ANTXR1: variants seen among roughly 807,000 people sequenced by gnomAD.
ANTXR1 encodes ANTXR cell adhesion molecule 1.
A neutral mutation model predicts 78.1 loss-of-function variants in ANTXR1; 19 were observed. The observed-to-expected ratio is 0.24, with a 90% CI of 0.17 to 0.36. The LOEUF is 0.36. ANTXR1 is among the 10% of genes least tolerant of loss of function. ANTXR1 has a pLI of 1.00. For synonymous variants in ANTXR1, 273 were observed against 260.5 expected (o/e 1.05, Z -0.46); for missense variants, 518 against 718.6 (o/e 0.72, Z 3.19).
intron 12 of ANTXR1, among the ~76,000 whole-genome samples, chr2:69,132,801 C>A (rs1304999844): frequency 3.3e-5 from 5 of 152,162 alleles, no homozygotes; most frequent in Non-Finnish European, 7.3e-5. Context: ...TCATAACAAT[C>A]AGGACCAACG....
chr2:69,072,918 G>T, intron 5 of ANTXR1, 104 bp from the exon 6 acceptor site: 1 of 1,134,380 alleles, frequency 8.8e-7, no homozygotes, highest in South Asian at 1.2e-5. Flanking sequence ...TCACAATATT[G>T]ACTTTGGGTG....
intron 12 of ANTXR1, among the ~76,000 whole-genome samples, chr2:69,149,421 C>T (rs1188768491): frequency 1.3e-5 from 2 of 152,222 alleles, no homozygotes; most frequent in Admixed American, 6.5e-5. Flanking sequence ...ATTCTCGCTA[C>T]TTCACGGAAA....
rs138623326 is a variant in ANTXR1 at position 69,024,753 on chromosome 2, C to G, written c.152+11102C>G. Among the ~76,000 whole-genome samples the G allele has an allele frequency of 6.9e-3, 1,045 of 152,308 alleles. 4 individuals carry two copies. Among genetic ancestry groups the G allele is most frequent in the Non-Finnish European group, 9.7e-3 (663 of 68,024 alleles). On this transcript the variant is annotated intron_variant, in intron 1 of 17. Coordinates refer to ENST00000303714, the MANE Select transcript of ANTXR1 (RefSeq NM_032208.3). ...ATCTCTCCCAGGTTGACCTTGTACT[C>G]TACCTTGTCATTGTCTTAGCTCAGG...
At chr2:69,091,161 T>C (rs962511374) in intron 9 of ANTXR1, among the ~76,000 whole-genome samples, 2 of 151,274 alleles carry the variant, frequency 1.3e-5, no homozygotes, top group African/African-American at 4.9e-5. Flanking sequence ...CTTCTTTCAC[T>C]GGGCGCGGCG....
intron 1 of ANTXR1, among the ~76,000 whole-genome samples, chr2:69,027,214 A>T (rs1671370617): frequency 6.6e-6 from 1 of 152,270 alleles, no homozygotes; most frequent in African/African-American, 2.4e-5. Flanking sequence ...AAGCCACAAG[A>T]GATGCCTATG....
intron 13 of ANTXR1, 113 bp downstream of exon 13, chr2:69,152,377 A>ATTT: frequency 7.4e-6 from 8 of 1,086,714 alleles, no homozygotes. Context: ...CAAATCTTGC[A>ATTT]TTTTTTATAC....
At chr2:69,209,522 A>C in intron 17 of ANTXR1, among the ~76,000 whole-genome samples, 1 of 152,214 alleles carries the variant, frequency 6.6e-6, no homozygotes, top group Non-Finnish European at 1.5e-5. Flanking sequence ...TTTGTATCCT[A>C]GGATTCACAG....
chr2:69,086,833 A>G (rs1671066678), intron 8 of ANTXR1, among the ~76,000 whole-genome samples: 1 of 152,224 alleles, frequency 6.6e-6, no homozygotes, highest in African/African-American at 2.4e-5. Flanking sequence ...TAAGGTGCTC[A>G]TGCTGGCTGG....
At chr2:69,026,286 C>T in intron 1 of ANTXR1, among the ~76,000 whole-genome samples, 1 of 152,340 alleles carries the variant, frequency 6.6e-6, no homozygotes, top group Non-Finnish European at 1.5e-5. Context: ...CAAATCTCAG[C>T]CCTACCACAT....
intron 10 of ANTXR1, among the ~76,000 whole-genome samples, chr2:69,117,197 C>T (rs573930943): frequency 4.7e-4 from 72 of 152,336 alleles, no homozygotes; most frequent in Non-Finnish European, 7.4e-4. Context: ...GCCTCCAGAG[C>T]TGTCAATATG....
At chr2:69,154,198 T>C (rs1451194612) in intron 13 of ANTXR1, among the ~76,000 whole-genome samples, 2 of 152,248 alleles carry the variant, frequency 1.3e-5, no homozygotes, top group Non-Finnish European at 2.9e-5. Flanking sequence ...AATGAATTTA[T>C]CTGGTTAAGT....
chr2:69,215,294 T>C (rs1675148737), intron 17 of ANTXR1, among the ~76,000 whole-genome samples: 1 of 152,180 alleles, frequency 6.6e-6, no homozygotes, highest in Non-Finnish European at 1.5e-5. Context: ...CTCCAAGAAA[T>C]CCCTTCATAC....
In ANTXR1 at chr2:69,165,965, G is replaced by A. The variant is rs533576256; in HGVS notation, c.1048-4283G>A. ...AAAATAAAATGAATTATTAGAGAGC[G>A]CTTTACAGAGACCCAAATGGTTGAA... On this transcript the variant is annotated intron_variant, in intron 13 of 17. Coordinates refer to ENST00000303714, the MANE Select transcript of ANTXR1 (RefSeq NM_032208.3). Among the ~76,000 whole-genome samples the A allele has an allele frequency of 7.2e-5, 11 of 152,282 alleles. No individual in the cohort carries two copies. In the South Asian group the frequency reaches 1.2e-3, roughly 17 times the overall value.
chr2:69,117,505 TAC>T (rs1186706803), intron 10 of ANTXR1, among the ~76,000 whole-genome samples: 1 of 152,206 alleles, frequency 6.6e-6, no homozygotes, highest in Non-Finnish European at 1.5e-5. Flanking sequence ...TGTGTATCTA[TAC>T]ACACACACAA....
At chr2:69,032,518 C>T (rs975253116) in intron 1 of ANTXR1, among the ~76,000 whole-genome samples, 4 of 152,148 alleles carry the variant, frequency 2.6e-5, no homozygotes, top group Non-Finnish European at 4.4e-5. Flanking sequence ...ACGATGTTGA[C>T]CCATCCCCCT....
intron 17 of ANTXR1, among the ~76,000 whole-genome samples, chr2:69,232,723 G>A (rs1410878864): frequency 6.6e-6 from 1 of 152,022 alleles, no homozygotes; most frequent in Non-Finnish European, 1.5e-5. Context: ...GTAAAACTTA[G>A]AAAATAATAT....
chr2:69,132,475 C>G (rs906518166), intron 12 of ANTXR1, among the ~76,000 whole-genome samples: 3 of 152,224 alleles, frequency 2.0e-5, no homozygotes, highest in Non-Finnish European at 2.9e-5. Flanking sequence ...GGTAAACAGA[C>G]AGCTGGCATG....
At chr2:69,201,795 G>A (rs1032225584) in intron 17 of ANTXR1, among the ~76,000 whole-genome samples, 4 of 152,274 alleles carry the variant, frequency 2.6e-5, no homozygotes, top group African/African-American at 9.6e-5. Context: ...AGCTTTGCGA[G>A]GGAAGATGAG....
intron 17 of ANTXR1, among the ~76,000 whole-genome samples, chr2:69,195,057 A>G (rs1221915645): frequency 6.6e-6 from 1 of 151,764 alleles, no homozygotes; most frequent in African/African-American, 2.4e-5. Context: ...AATCCCAGCT[A>G]CTTGGGAGGT....
Sources: allele counts gnomAD v4.1 joint callset (sites outside exome capture counted in the v4.1 genomes callset), GRCh38; gene constraint gnomAD v4.1.1; transcripts MANE v1.5; gene names NCBI Gene and HGNC (gene_info 2026-07-23, HGNC 2026-07-21).